Variants in DCC observed in about 807,000 individuals in gnomAD.
DCC encodes netrin receptor DCC.
DCC carries 58 observed loss-of-function variants against 172.5 expected under a neutral mutation model. The observed-to-expected ratio is 0.34, with a 90% CI of 0.27 to 0.42. The LOEUF is 0.42. Ranked by LOEUF, DCC falls within the 10% of genes least tolerant of loss-of-function variation. The probability of loss-of-function intolerance (pLI) is 1.00; values close to 1 mark genes in which losing one functional copy is unlikely to be tolerated. For synonymous variants in DCC, 709 were observed against 644.5 expected (o/e 1.10, Z -1.52); for missense variants, 1,740 against 1,791.0 (o/e 0.97, Z 0.51).
chr18:53,059,754 A>G (rs187776207), intron 5 of DCC, among the ~76,000 whole-genome samples: 3 of 152,188 alleles, frequency 2.0e-5, no homozygotes, highest in Admixed American at 2.0e-4. Context: ...TTTCCATGGC[A>G]TTATCCGAAC....
At chr18:53,387,884 T>C (rs1047446658) in intron 16 of DCC, among the ~76,000 whole-genome samples, 4 of 152,156 alleles carry the variant, frequency 2.6e-5, no homozygotes, top group South Asian at 2.1e-4. Context: ...GAAGGACCAC[T>C]GAGGTGGCAA....
At chr18:53,528,252 C>T (rs953436534) in intron 28 of DCC, among the ~76,000 whole-genome samples, 2 of 151,856 alleles carry the variant, frequency 1.3e-5, no homozygotes, top group Admixed American at 6.6e-5. Context: ...AATATTTTAA[C>T]GACATAGAGA....
At chr18:52,707,945 T>G (rs2036235926) in intron 1 of DCC, among the ~76,000 whole-genome samples, 1 of 152,160 alleles carries the variant, frequency 6.6e-6, no homozygotes, top group African/African-American at 2.4e-5. Flanking sequence ...ATTGTACATA[T>G]GGTGTCTATA....
intron 1 of DCC, among the ~76,000 whole-genome samples, chr18:52,390,314 A>G (rs1287751324): frequency 1.3e-5 from 2 of 151,922 alleles, no homozygotes. Flanking sequence ...CTGCTGGGAG[A>G]CATCCACAAC....
At chr18:52,353,432 C>A (rs1289766666) in intron 1 of DCC, among the ~76,000 whole-genome samples, 3 of 152,166 alleles carry the variant, frequency 2.0e-5, no homozygotes, top group African/African-American at 7.2e-5. Context: ...CTCCTCCTCC[C>A]TCCCTCCTCT....
chr18:53,388,681 AAAG>A (rs1908337690), intron 16 of DCC, among the ~76,000 whole-genome samples: 1 of 152,234 alleles, frequency 6.6e-6, no homozygotes, highest in South Asian at 2.1e-4. Flanking sequence ...AAGAAGATGA[AAAG>A]AAGAAGACTA....
chr18:52,789,234 T>A (rs9955595), intron 2 of DCC, among the ~76,000 whole-genome samples: 6,547 of 152,118 alleles, frequency 0.043, 218 homozygotes, highest in South Asian at 0.16. Flanking sequence ...TTTTAATTCC[T>A]GGGGTTTTGT....
intron 1 of DCC, among the ~76,000 whole-genome samples, chr18:52,568,023 T>A (rs958920317): frequency 2.0e-5 from 3 of 152,148 alleles, no homozygotes; most frequent in Non-Finnish European, 2.9e-5. Flanking sequence ...AAATATCAAT[T>A]TTTTGGTTTT....
At chr18:52,385,459 C>T (rs1306874952) in intron 1 of DCC, among the ~76,000 whole-genome samples, 1 of 151,978 alleles carries the variant, frequency 6.6e-6, no homozygotes, top group African/African-American at 2.4e-5. Context: ...TATGCCTCAG[C>T]CTCCCAAAGT....
At chr18:52,356,033 A>T (rs534467522) in intron 1 of DCC, among the ~76,000 whole-genome samples, 1 of 152,210 alleles carries the variant, frequency 6.6e-6, no homozygotes, top group African/African-American at 2.4e-5. Context: ...CATCACTAGC[A>T]ATGACTTCCC....
chr18:53,222,559 C>CTT (rs139707148), intron 12 of DCC, among the ~76,000 whole-genome samples: 2 of 150,566 alleles, frequency 1.3e-5, no homozygotes, highest in Admixed American at 6.6e-5. Context: ...TAATTTTTTA[C>CTT]TTTTTTTTAG....
rs551710856 is a variant in DCC at position 53,499,343 on chromosome 18, C to G, written c.3944C>G (p.Pro1315Arg). 10 of 1,614,094 alleles carry G rather than the reference C, an allele frequency of 6.2e-6. No homozygotes were observed. The East Asian group carries it at 2.2e-4, about 36-fold the overall frequency. The change falls in exon 27 of 29, where the codon CCA becomes CGA. Residue 1315 changes from proline (P) to arginine (R), a missense_variant. Around this residue, in one of 2 missense-constraint regions of DCC, gnomAD observed 1,732 missense variants for 1,767.4 expected, o/e 0.98. Coordinates refer to ENST00000442544, the MANE Select transcript of DCC (RefSeq NM_005215.4). ...PTTQQPPMLP[P>R]SQPEHSSSEE... ...ACCCAACAACCACCTATGCTGCCCC[C>G]ATCTCAGCCTGAGCATTCTAGCAGC...
intron 2 of DCC, among the ~76,000 whole-genome samples, chr18:52,904,066 G>T (rs1156711546): frequency 6.6e-6 from 1 of 152,178 alleles, no homozygotes; most frequent in African/African-American, 2.4e-5. Context: ...CCCCCTGTAG[G>T]CAATCTGTAG....
At chr18:53,041,108 C>T (rs981536549) in intron 5 of DCC, among the ~76,000 whole-genome samples, 1 of 88,604 alleles carries the variant, frequency 1.1e-5, no homozygotes, top group African/African-American at 6.4e-5. Flanking sequence ...AAGTCTTTGC[C>T]CGTGCCTAGG....
chr18:53,173,847 ACT>A (rs1269747826), intron 8 of DCC, among the ~76,000 whole-genome samples: 3 of 128,140 alleles, frequency 2.3e-5, no homozygotes, highest in African/African-American at 9.4e-5. Context: ...CATCTACAGA[ACT>A]CTCCACCCCA....
At chr18:52,927,626 T>TA (rs2040239576) in intron 5 of DCC, among the ~76,000 whole-genome samples, 1 of 151,928 alleles carries the variant, frequency 6.6e-6, no homozygotes, top group Non-Finnish European at 1.5e-5. Flanking sequence ...TGTTATTATG[T>TA]AAAAAATATT....
Position 53,401,697 on chromosome 18 carries a change from A to G in DCC, c.2828-1089A>G, listed in dbSNP as rs143660492. ...CTCCAGATCCCAAACACGGAACCCA[A>G]TACGTTCTGAATCTGCCTTTGTTAG... On this transcript the variant is annotated intron_variant, in intron 18 of 28. Transcript: ENST00000442544. 1.5e-3 allele frequency among the ~76,000 whole-genome samples: 228 copies of G among 152,254 alleles called. 1 individual carries two copies. Among genetic ancestry groups the G allele is most frequent in the Non-Finnish European group, 1.0e-3 (70 of 68,016 alleles).
At chr18:53,323,681 G>T (rs978522789) in intron 14 of DCC, among the ~76,000 whole-genome samples, 5 of 152,010 alleles carry the variant, frequency 3.3e-5, no homozygotes, top group Non-Finnish European at 7.4e-5. Context: ...ATGGTTGGAT[G>T]GTTGGAAGGT....
chr18:52,733,218 C>T (rs1165687623), intron 1 of DCC, among the ~76,000 whole-genome samples: 1 of 152,144 alleles, frequency 6.6e-6, no homozygotes, highest in East Asian at 1.9e-4. Context: ...CCTCATTCTG[C>T]CATTATTCTT....
Sources: allele counts gnomAD v4.1 joint callset (sites outside exome capture counted in the v4.1 genomes callset), GRCh38; gene constraint gnomAD v4.1.1; regional missense constraint gnomAD v4.1.1; transcripts MANE v1.5; gene names NCBI Gene and HGNC (gene_info 2026-07-23, HGNC 2026-07-21).